Variants in KLHL14 observed in about 807,000 individuals in gnomAD.
The protein encoded by KLHL14 is kelch like family member 14.
In KLHL14, 22 loss-of-function variants were observed where a neutral mutation model predicts 64.3. The ratio of observed to expected loss-of-function variants is 0.34; its 90% CI spans 0.24 to 0.49. The LOEUF (loss-of-function observed/expected upper bound fraction) is 0.49, where lower values mean the gene tolerates loss of function less well. Ranked by LOEUF, KLHL14 falls within the 20% of genes least tolerant of loss-of-function variation. The pLI, the probability that KLHL14 is intolerant of heterozygous loss-of-function variation, is 0.99. For synonymous variants in KLHL14, 322 were observed against 333.4 expected, an observed-to-expected ratio of 0.97 and a Z score of 0.37; for missense variants, 661 against 789.0, an observed-to-expected ratio of 0.84 and a Z score of 1.94.
chr18:32,685,343 T>A (rs978701810), intron 5 of KLHL14, among the ~76,000 whole-genome samples: 10 of 152,204 alleles, frequency 6.6e-5, no homozygotes, highest in Admixed American at 4.6e-4. Context: ...GTGGGATAAT[T>A]GACCACGACG....
At chr18:32,756,025 G>C (rs949096348) in intron 2 of KLHL14, among the ~76,000 whole-genome samples, 1 of 152,100 alleles carries the variant, frequency 6.6e-6, no homozygotes, top group South Asian at 2.1e-4. Context: ...TGTCTTAAAC[G>C]TGGCTTTGTT....
Position 32,680,109 on chromosome 18 carries a change from G to A in KLHL14, c.1588+60C>T. 6.5e-7 allele frequency: 1 copy of A among 1,533,834 alleles called. No homozygotes were observed. Among genetic ancestry groups the A allele is most frequent in the Non-Finnish European group, 8.9e-7 (1 of 1,122,012 alleles). The stretch of plus-strand genomic sequence containing the variant: ...GATTATCTAAGGAGAAACCCCCTTA[G>A]CGAGAAATATGAGGTGCAAATGTTA... On this transcript the variant is annotated intron_variant, in intron 7 of 8. Transcript: ENST00000359358. The surrounding 1 kb of genome is among the most constrained non-coding windows in gnomAD (Gnocchi z 4.8).
intron 3 of KLHL14, 55 bp from the exon 4 acceptor site, chr18:32,695,607 T>C (rs1363033320): frequency 4.2e-5 from 48 of 1,133,794 alleles, no homozygotes; most frequent in Non-Finnish European, 6.2e-5. Flanking sequence ...CAGGATTTGC[T>C]ACCTTGGCTC....
chr18:32,708,947 C>G (rs2050004823), intron 3 of KLHL14, among the ~76,000 whole-genome samples: 1 of 152,160 alleles, frequency 6.6e-6, no homozygotes, highest in Non-Finnish European at 1.5e-5. Context: ...CCCTATATTC[C>G]ATAGACCTTT....
chr18:32,737,240 C>T (rs2050171015), intron 3 of KLHL14: 1 of 152,022 alleles, frequency 6.6e-6, no homozygotes, highest in Non-Finnish European at 1.5e-5. Context: ...AAAGGAAACC[C>T]ACAGGTACAA....
At chr18:32,679,354 C>T (rs182872990) in intron 7 of KLHL14, among the ~76,000 whole-genome samples, 83 of 152,200 alleles carry the variant, frequency 5.5e-4, no homozygotes, top group African/African-American at 2.0e-3. Context: ...CTTAGATAGC[C>T]TGTTTCCCAT....
rs1272482278 is a variant in KLHL14 at position 32,767,777 on chromosome 18, A to G, written c.947+1868T>C. On this transcript the variant is annotated intron_variant, in intron 2 of 8. Coordinates refer to ENST00000359358, the MANE Select transcript of KLHL14 (RefSeq NM_020805.3). ...AGTGCATTGAGGGCTTCAGAAATTT[A>G]CTGGATCAAATTTATAAAGCTCCTC... 2.6e-5 allele frequency among the ~76,000 whole-genome samples: 4 copies of G among 152,218 alleles called. No homozygotes were observed. In the East Asian group the frequency reaches 7.7e-4, roughly 29 times the overall value.
At chr18:32,675,719 A>G (rs1221222792) in intron 8 of KLHL14, among the ~76,000 whole-genome samples, 3 of 152,206 alleles carry the variant, frequency 2.0e-5, no homozygotes, top group Admixed American at 2.0e-4. Flanking sequence ...ATCATAGGAA[A>G]AAAACGAAAG....
chr18:32,718,552 T>C (rs1271731840), intron 3 of KLHL14, among the ~76,000 whole-genome samples: 1 of 152,174 alleles, frequency 6.6e-6, no homozygotes, highest in South Asian at 2.1e-4. Context: ...AGAGCCCAGA[T>C]ACTAAACATC....
intron 3 of KLHL14, among the ~76,000 whole-genome samples, chr18:32,736,492 T>C (rs1314902068): frequency 6.6e-6 from 1 of 152,106 alleles, no homozygotes; most frequent in East Asian, 1.9e-4. Flanking sequence ...GCTATGATAT[T>C]GTATATAATA....
intron 2 of KLHL14, among the ~76,000 whole-genome samples, chr18:32,767,104 T>C (rs189264054): frequency 3.8e-4 from 58 of 152,320 alleles, no homozygotes; most frequent in African/African-American, 1.4e-3. Context: ...GGTCCTTCTA[T>C]TCAATTGTCT....
chr18:32,745,799 A>G (rs1390783548), intron 2 of KLHL14, among the ~76,000 whole-genome samples: 1 of 152,242 alleles, frequency 6.6e-6, no homozygotes, highest in African/African-American at 2.4e-5. Context: ...TTGAATACTG[A>G]ACTTCTGATT....
intron 3 of KLHL14, 37 bp downstream of exon 3, chr18:32,741,891 A>G (rs531205317): frequency 6.6e-7 from 1 of 1,521,936 alleles, no homozygotes; most frequent in South Asian, 1.3e-5. Flanking sequence ...CCTGAAATAA[A>G]TAGGTGAGTG....
intron 3 of KLHL14, among the ~76,000 whole-genome samples, chr18:32,704,477 CT>C (rs1206930504): frequency 6.6e-6 from 1 of 152,260 alleles, no homozygotes; most frequent in South Asian, 2.1e-4. Context: ...AATCCCAGCA[CT>C]TTGGGGGGCC....
chr18:32,772,410 T>C (rs764555181), intron 1 of KLHL14: 66 of 165,026 alleles, frequency 4.0e-4, no homozygotes, highest in Non-Finnish European at 5.8e-4. Context: ...CGGTCATACC[T>C]CTCTCTAGCT....
intron 3 of KLHL14, among the ~76,000 whole-genome samples, chr18:32,711,884 A>G (rs983512129): frequency 2.0e-5 from 3 of 152,218 alleles, no homozygotes; most frequent in Non-Finnish European, 4.4e-5. Context: ...GCCCCATGTG[A>G]AAACCCACAG....
rs764685779 is a variant in KLHL14, at chr18:32,769,748, C to T, written c.844G>A (p.Asp282Asn). Residue 282 changes from aspartate to asparagine, a missense_variant, in exon 2 of 9, where the codon GAT becomes AAT. Physicochemically the swap from Asp to Asn is conservative, Grantham distance 23. Transcript: ENST00000359358. ...PELVERVQSV[D>N]FMRTDPVCQK... ...CAGACCGGGTCGGTTCGCATGAAAT[C>T]CACTGACTGGACCCGCTCCACCAGC... 6.2e-7 allele frequency: 1 copy of T among 1,604,606 alleles called. No homozygotes were observed. The highest frequency in any genetic ancestry group is 1.1e-5 in the South Asian group (1 of 89,870).
chr18:32,771,635 G>C (rs1309727342), intron 1 of KLHL14, among the ~76,000 whole-genome samples: 1 of 152,134 alleles, frequency 6.6e-6, no homozygotes, highest in South Asian at 2.1e-4. Flanking sequence ...GTGGGGCTGC[G>C]AGGACGCGTT....
intron 2 of KLHL14, among the ~76,000 whole-genome samples, chr18:32,760,446 A>G (rs747310845): frequency 6.6e-5 from 10 of 152,092 alleles, no homozygotes; most frequent in Admixed American, 1.3e-4. Flanking sequence ...TTTCTCAGAT[A>G]TTGCTGCTTT....
Sources: allele counts gnomAD v4.1 joint callset (sites outside exome capture counted in the v4.1 genomes callset), GRCh38; gene constraint gnomAD v4.1.1; non-coding constraint Gnocchi (gnomAD v3.1); transcripts MANE v1.5; gene names NCBI Gene and HGNC (gene_info 2026-07-23, HGNC 2026-07-21).